The following GINS2 variants were observed in gnomAD, a reference collection of about 807,000 sequenced individuals.
The protein encoded by GINS2 is DNA replication complex GINS protein PSF2.
GINS2 carries 23 observed loss-of-function variants against 21.2 expected under a neutral mutation model. The ratio of observed to expected loss-of-function variants is 1.08; its 90% CI spans 0.78 to 1.53. The LOEUF (loss-of-function observed/expected upper bound fraction) is 1.53, where lower values mean the gene tolerates loss of function less well. Among genes scored for constraint, GINS2 ranks in the 40% most tolerant of loss-of-function variants. GINS2 has a pLI of 0.00. For missense variants in GINS2, 323 were observed against 233.9 expected (o/e 1.38, Z -2.49); for synonymous variants, 118 against 85.6 (o/e 1.38, Z -2.09).
In GINS2 at chr16:85,677,746, T is replaced by C. The variant is rs572425629; in HGVS notation, c.*466A>G. On this transcript the variant is annotated 3_prime_UTR_variant, in exon 5 of 5. Coordinates refer to ENST00000253462, the MANE Select transcript of GINS2 (RefSeq NM_016095.3). ...CCGGTCAGCATTGTTGGCTGCACCA[T>C]CTGCCATCCTTCTCTGTGAGCCACC... 2 of 158,724 alleles carry C rather than the reference T, an allele frequency of 1.3e-5. No individual in the cohort carries two copies. Among genetic ancestry groups the C allele is most frequent in the African/African-American group, 4.8e-5 (2 of 41,598 alleles). 9.8% of individuals were successfully genotyped at this position (158,724 alleles called of 1,614,324 possible). A position where few individuals can be genotyped will look rare whatever the true frequency, so the allele number is the denominator to read the frequency against.
Position 85,688,937 on chromosome 16 carries a change from CG to C in GINS2, c.-40del. On this transcript the variant is annotated 5_prime_UTR_variant, in exon 1 of 5. Coordinates refer to ENST00000253462, the MANE Select transcript of GINS2 (RefSeq NM_016095.3). ...GCAGGCCAGAGCCTCACGGTCTCCTCGGGCCCCTCAGCGTCCCGGAGGAGAC... is the reference window on the plus strand; with the variant it reads ...GCAGGCCAGAGCCTCACGGTCTCCTCGGCCCCTCAGCGTCCCGGAGGAGAC... The C allele has an allele frequency of 7.0e-7, 1 of 1,430,596 alleles. No individual in the cohort carries two copies. The highest frequency in any genetic ancestry group is 9.5e-7 in the Non-Finnish European group (1 of 1,055,072). The allele number at this position is 1,430,596 out of a possible 1,614,324, so 88.6% of individuals were successfully genotyped here. A position where few individuals can be genotyped will look rare whatever the true frequency, so the allele number is the denominator to read the frequency against.
At chr16:85,685,685 A>AAAAAAAAAAACAAAAAAAAC (rs56405044) in intron 2 of GINS2, among the ~76,000 whole-genome samples, 1 of 120,898 alleles carries the variant, frequency 8.3e-6, no homozygotes, top group Non-Finnish European at 1.9e-5. Flanking sequence ...AAAAAAAAAA[A>AAAAAAAAAAACAAAAAAAAC]AAAAAACCGT....
chr16:85,678,008 T>C lies in GINS2; in HGVS notation c.*204A>G. 2.0e-6 allele frequency: 1 copy of C among 501,714 alleles called. No homozygotes were observed. The highest frequency in any genetic ancestry group is 3.5e-6 in the Non-Finnish European group (1 of 283,898). 31.1% of individuals were successfully genotyped at this position (501,714 alleles called of 1,614,324 possible). A position where few individuals can be genotyped will look rare whatever the true frequency, so the allele number is the denominator to read the frequency against. ...AAAAGGGCTGGTTTCTAGAAACAGA[T>C]GTGGAATTGAAGAATGTCCCAGGGA... On this transcript the variant is annotated 3_prime_UTR_variant, in exon 5 of 5. Coordinates refer to ENST00000253462, the MANE Select transcript of GINS2 (RefSeq NM_016095.3).
At chr16:85,687,731 CCTCCTGAGCGG>C (rs1008789841) in intron 1 of GINS2, 157 bp from the exon 2 acceptor site, 12 of 426,996 alleles carry the variant, frequency 2.8e-5, no homozygotes, top group Non-Finnish European at 5.3e-5. Flanking sequence ...GAACAAAGCG[CCTCCTGAGCGG>C]CTCCGAGACA....
intron 3 of GINS2, among the ~76,000 whole-genome samples, chr16:85,680,867 G>A (rs953127922): frequency 1.3e-5 from 2 of 152,246 alleles, no homozygotes; most frequent in Admixed American, 1.3e-4. Flanking sequence ...GAGGGTGAAA[G>A]AGGGAGGAGG....
Position 85,688,944 on chromosome 16 carries a change from C to G in GINS2, c.-46G>C. The G allele has an allele frequency of 7.3e-7, 1 of 1,379,080 alleles. No homozygotes were observed. The allele number at this position is 1,379,080 out of a possible 1,614,324, so 85.4% of individuals were successfully genotyped here. ...AGAGCCTCACGGTCTCCTCGGGCCC[C>G]TCAGCGTCCCGGAGGAGACGCCGCG... is the stretch of plus-strand genomic sequence containing the variant. On this transcript the variant is annotated 5_prime_UTR_variant, in exon 1 of 5. Coordinates refer to ENST00000253462, the MANE Select transcript of GINS2 (RefSeq NM_016095.3).
intron 3 of GINS2, among the ~76,000 whole-genome samples, chr16:85,681,186 C>A (rs532084305): frequency 6.6e-6 from 1 of 152,222 alleles, no homozygotes; most frequent in Non-Finnish European, 1.5e-5. Flanking sequence ...CAAGGAGAAA[C>A]AGGAGTAAAG....
In GINS2 at chr16:85,677,597, T is replaced by G. The variant is rs1355083589; in HGVS notation, c.*615A>C. The G allele has an allele frequency of 6.6e-6, 1 of 152,284 alleles. No homozygotes were observed. Among genetic ancestry groups the G allele is most frequent in the African/African-American group, 2.4e-5 (1 of 41,450 alleles). The allele number at this position is 152,284 out of a possible 1,614,324, so 9.4% of individuals were successfully genotyped here. A position where few individuals can be genotyped will look rare whatever the true frequency, so the allele number is the denominator to read the frequency against. On this transcript the variant is annotated 3_prime_UTR_variant, in exon 5 of 5. Coordinates refer to ENST00000253462, the MANE Select transcript of GINS2 (RefSeq NM_016095.3). The stretch of plus-strand genomic sequence containing the variant: ...TAACTGCCGTGTGCCTCAGTTTCGT[T>G]GACTGAGTCATCTCAGCCACAGGCT...
At chr16:85,681,007 G>A (rs757489689) in intron 3 of GINS2, among the ~76,000 whole-genome samples, 13 of 152,368 alleles carry the variant, frequency 8.5e-5, no homozygotes, top group Non-Finnish European at 1.6e-4. Context: ...TGTGAAGAAT[G>A]AATGGAAAGC....
At chr16:85,683,951 C>G (rs2053754640) in intron 2 of GINS2, among the ~76,000 whole-genome samples, 2 of 152,224 alleles carry the variant, frequency 1.3e-5, no homozygotes, top group African/African-American at 4.8e-5. Flanking sequence ...AAGCATTATC[C>G]CTGAGATCCA....
intron 2 of GINS2, among the ~76,000 whole-genome samples, chr16:85,684,119 C>T (rs1246067954): frequency 2.0e-5 from 3 of 152,074 alleles, no homozygotes; most frequent in Non-Finnish European, 1.5e-5. Flanking sequence ...TTTGGGAGAC[C>T]GAGGTGGAAG....
intron 1 of GINS2, chr16:85,687,914 G>C (rs1473651862): frequency 1.1e-5 from 2 of 183,830 alleles, no homozygotes; most frequent in Non-Finnish European, 1.1e-5. Context: ...AGGTGGGTCT[G>C]GGCAGGTACA....
intron 2 of GINS2, among the ~76,000 whole-genome samples, chr16:85,682,560 G>A (rs964091284): frequency 2.0e-5 from 3 of 148,904 alleles, no homozygotes; most frequent in African/African-American, 2.5e-5. Flanking sequence ...GCCTGGGCGC[G>A]ATACAATATC....
Position 85,682,698 on chromosome 16 carries a change from C to A in GINS2, c.206-1017G>T, listed in dbSNP as rs144698048. ...GCGTCTAGAATCAAACAGCTGTATC[C>A]AATTCCACCAGCATCAGCACTGTTC... On this transcript the variant is annotated intron_variant, in intron 2 of 4. Transcript: ENST00000253462. 5.3e-5 allele frequency among the ~76,000 whole-genome samples: 8 copies of A among 152,254 alleles called. No individual in the cohort carries two copies. In the East Asian group the frequency reaches 1.5e-3, roughly 29 times the overall value.
intron 3 of GINS2, among the ~76,000 whole-genome samples, chr16:85,680,202 T>C (rs1439948358): frequency 6.6e-6 from 1 of 152,196 alleles, no homozygotes; most frequent in Non-Finnish European, 1.5e-5. Flanking sequence ...AGTGGAATGC[T>C]TGGTGCATTG....
At chr16:85,681,317 C>A (rs2053730259) in intron 3 of GINS2, among the ~76,000 whole-genome samples, 1 of 152,174 alleles carries the variant, frequency 6.6e-6, no homozygotes, top group Non-Finnish European at 1.5e-5. Flanking sequence ...GAGCCAAGGG[C>A]TTCACCGGGA....
chr16:85,685,685 A>AAAAAACAAAAAAAAAAAAAAAAC (rs1555579590), intron 2 of GINS2, among the ~76,000 whole-genome samples: 1 of 120,900 alleles, frequency 8.3e-6, no homozygotes, highest in Non-Finnish European at 1.9e-5. Flanking sequence ...AAAAAAAAAA[A>AAAAAACAAAAAAAAAAAAAAAAC]AAAAAACCGT....
At chr16:85,687,647 C>G in intron 1 of GINS2, 73 bp from the exon 2 acceptor site, 3 of 816,872 alleles carry the variant, frequency 3.7e-6, no homozygotes, top group Non-Finnish European at 5.7e-6. Flanking sequence ...TTACTGCTAT[C>G]AAATAAGAGG....
At chr16:85,685,901 C>T (rs189936196) in intron 2 of GINS2, among the ~76,000 whole-genome samples, 1 of 151,516 alleles carries the variant, frequency 6.6e-6, no homozygotes, top group African/African-American at 2.4e-5. Context: ...TCACTCACGG[C>T]TGAGACCCCA....
Sources: allele counts gnomAD v4.1 joint callset (sites outside exome capture counted in the v4.1 genomes callset), GRCh38; gene constraint gnomAD v4.1.1; transcripts MANE v1.5; gene names NCBI Gene and HGNC (gene_info 2026-07-23, HGNC 2026-07-21).